The following GRK3 variants were observed in gnomAD, a reference collection of about 807,000 sequenced individuals.
GRK3 encodes adrenergic, beta, receptor kinase 2.
In GRK3, 54 loss-of-function variants were observed where a neutral mutation model predicts 95.7. The ratio of observed to expected loss-of-function variants is 0.56; its 90% CI spans 0.45 to 0.71. GRK3 has a LOEUF of 0.71. Ranked by LOEUF, GRK3 falls within the 30% of genes least tolerant of loss-of-function variation. The probability of loss-of-function intolerance (pLI) is 0.00; values close to 1 mark genes in which losing one functional copy is unlikely to be tolerated. For missense variants in GRK3, 649 were observed against 851.2 expected (o/e 0.76, Z 2.96); for synonymous variants, 281 against 290.8 (o/e 0.97, Z 0.34).
chr22:25,728,138 T>A lies in GRK3; in HGVS notation c.*5688T>A, dbSNP rs2085489004. 1 of 152,250 alleles carries A rather than the reference T, an allele frequency of 6.6e-6. No homozygotes were observed. The highest frequency in any genetic ancestry group is 2.4e-5 in the African/African-American group (1 of 41,472). 9.4% of individuals were successfully genotyped at this position (152,250 alleles called of 1,614,324 possible). On this transcript the variant is annotated 3_prime_UTR_variant, in exon 21 of 21. Transcript: ENST00000324198. ...TTAAAGAAATGGCAGTCCTTCCTGTTCTTAATACAATAAAATTGAAATAAT... is the reference window on the plus strand; with the variant it reads ...TTAAAGAAATGGCAGTCCTTCCTGTACTTAATACAATAAAATTGAAATAAT...
chr22:25,595,134 A>G (rs2084363712), intron 1 of GRK3, among the ~76,000 whole-genome samples: 1 of 152,144 alleles, frequency 6.6e-6, no homozygotes, highest in African/African-American at 2.4e-5. Context: ...CATTCTTGCC[A>G]CTCTTATTCA....
chr22:25,709,219 G>A (rs1218309886), intron 15 of GRK3, among the ~76,000 whole-genome samples: 2 of 151,260 alleles, frequency 1.3e-5, no homozygotes, highest in South Asian at 2.1e-4. Context: ...TTGTATTTTC[G>A]GTAGAGAAGG....
At chr22:25,620,484 C>T (rs2084576732) in intron 2 of GRK3, among the ~76,000 whole-genome samples, 1 of 152,040 alleles carries the variant, frequency 6.6e-6, no homozygotes, top group South Asian at 2.1e-4. Flanking sequence ...GGTTGCCAGC[C>T]CGGCTCTAAG....
At chr22:25,597,261 T>G (rs1428683858) in intron 1 of GRK3, among the ~76,000 whole-genome samples, 1 of 152,116 alleles carries the variant, frequency 6.6e-6, no homozygotes, top group Non-Finnish European at 1.5e-5. Context: ...GCTGAGAATT[T>G]TCCAAAATCA....
In GRK3 at chr22:25,724,860, T is replaced by C. The variant is rs374624809; in HGVS notation, c.*2410T>C. ...ATGGTATACTTGGCTGTTGTTTTTTTTTAATTTTTTAATTTTTTGGGATAG... is the reference window on the plus strand; with the variant it reads ...ATGGTATACTTGGCTGTTGTTTTTTCTTAATTTTTTAATTTTTTGGGATAG... On this transcript the variant is annotated 3_prime_UTR_variant, in exon 21 of 21. Coordinates refer to ENST00000324198, the MANE Select transcript of GRK3 (RefSeq NM_005160.4). The C allele has an allele frequency of 1.1e-4, 17 of 152,274 alleles. No homozygotes were observed. The highest frequency in any genetic ancestry group is 3.4e-3 in the Middle Eastern group (1 of 294). 9.4% of individuals were successfully genotyped at this position (152,274 alleles called of 1,614,324 possible).
At chr22:25,629,290 G>A (rs1006341308) in intron 2 of GRK3, among the ~76,000 whole-genome samples, 6 of 152,220 alleles carry the variant, frequency 3.9e-5, no homozygotes, top group Non-Finnish European at 8.8e-5. Flanking sequence ...GGCTAGACAA[G>A]TGGATGGCAG....
chr22:25,642,041 GA>G (rs2146379665), intron 2 of GRK3, among the ~76,000 whole-genome samples: 1 of 152,244 alleles, frequency 6.6e-6, no homozygotes, highest in South Asian at 2.1e-4. Flanking sequence ...AATAGAAAAA[GA>G]AATACATGTG....
chr22:25,642,194 A>G (rs895377843), intron 2 of GRK3, among the ~76,000 whole-genome samples: 1 of 152,206 alleles, frequency 6.6e-6, no homozygotes, highest in South Asian at 2.1e-4. Flanking sequence ...GCACTTTGGG[A>G]GGGCAAGGCG....
intron 1 of GRK3, among the ~76,000 whole-genome samples, chr22:25,568,210 G>A (rs1227282349): frequency 6.6e-6 from 1 of 152,172 alleles, no homozygotes; most frequent in Non-Finnish European, 1.5e-5. Context: ...TTTTATTTAA[G>A]TAAGGTCTAA....
At chr22:25,682,774 C>T (rs1272824314) in intron 9 of GRK3, among the ~76,000 whole-genome samples, 1 of 152,154 alleles carries the variant, frequency 6.6e-6, no homozygotes, top group Non-Finnish European at 1.5e-5. Context: ...TCTCCGGCAC[C>T]CAGATCAAGA....
At chr22:25,641,027 C>A (rs565366262) in intron 2 of GRK3, among the ~76,000 whole-genome samples, 1 of 152,294 alleles carries the variant, frequency 6.6e-6, no homozygotes, top group South Asian at 2.1e-4. Context: ...AGGTAAGTTG[C>A]GTTCAGCCTA....
chr22:25,677,755 C>G (rs1416910737), intron 8 of GRK3, among the ~76,000 whole-genome samples: 1 of 152,202 alleles, frequency 6.6e-6, no homozygotes. Context: ...AGTAGTCCAT[C>G]ATCTGGGAAT....
At chr22:25,607,479 G>A (rs182641356) in intron 2 of GRK3, among the ~76,000 whole-genome samples, 264 of 152,180 alleles carry the variant, frequency 1.7e-3, no homozygotes, top group African/African-American at 6.0e-3. Context: ...ACATGCACAG[G>A]TAATTAACTT....
At chr22:25,718,470 A>G (rs2085404569) in intron 19 of GRK3, 89 bp downstream of exon 19, 6 of 1,382,686 alleles carry the variant, frequency 4.3e-6, no homozygotes, top group Non-Finnish European at 5.0e-6. Context: ...TTTATACACT[A>G]TCCTCCGAAA....
At chr22:25,643,700 A>T (rs956438533) in intron 2 of GRK3, among the ~76,000 whole-genome samples, 11 of 152,248 alleles carry the variant, frequency 7.2e-5, no homozygotes, top group African/African-American at 2.7e-4. Flanking sequence ...ACCATTAGGC[A>T]TTAAGCTAGG....
At chr22:25,623,524 TG>T (rs1278123180) in intron 2 of GRK3, among the ~76,000 whole-genome samples, 1 of 152,188 alleles carries the variant, frequency 6.6e-6, no homozygotes, top group Admixed American at 6.5e-5. Context: ...TCATAATGAG[TG>T]ATTGTTTCTA....
chr22:25,599,677 A>G (rs1259356815), intron 1 of GRK3, among the ~76,000 whole-genome samples: 4 of 152,100 alleles, frequency 2.6e-5, no homozygotes, highest in Admixed American at 6.5e-5. Flanking sequence ...CTCTATGAAT[A>G]TTAAGATACC....
chr22:25,648,420 C>G, intron 3 of GRK3: 1 of 1,280,442 alleles, frequency 7.8e-7, no homozygotes, highest in Admixed American at 1.7e-5. Context: ...TTGGGAAATC[C>G]CTTGATAATC....
intron 1 of GRK3, among the ~76,000 whole-genome samples, chr22:25,595,202 G>T (rs930508311): frequency 6.6e-6 from 1 of 152,148 alleles, no homozygotes; most frequent in East Asian, 1.9e-4. Flanking sequence ...AATTGGAAAA[G>T]AAGGAGTCAA....
Sources: allele counts gnomAD v4.1 joint callset (sites outside exome capture counted in the v4.1 genomes callset), GRCh38; gene constraint gnomAD v4.1.1; transcripts MANE v1.5; gene names NCBI Gene and HGNC (gene_info 2026-07-23, HGNC 2026-07-21).